GPLD1: variants seen among roughly 807,000 people sequenced by gnomAD.
GPLD1 encodes the protein glycosylphosphatidylinositol specific phospholipase D1, also known as phosphatidylinositol-glycan-specific phospholipase D.
In GPLD1, 84 loss-of-function variants were observed where a neutral mutation model predicts 112.6. The ratio of observed to expected loss-of-function variants is 0.75; its 90% CI spans 0.63 to 0.89. The LOEUF is 0.89. Among genes scored for constraint, GPLD1 ranks in the 40% least tolerant of loss-of-function variants. The probability of loss-of-function intolerance (pLI) is 0.00; values close to 1 mark genes in which losing one functional copy is unlikely to be tolerated. For synonymous variants in GPLD1, 386 were observed against 403.8 expected (o/e 0.96, Z 0.53); for missense variants, 1,044 against 1,051.5 (o/e 0.99, Z 0.10).
intron 3 of GPLD1, among the ~76,000 whole-genome samples, chr6:24,477,204 G>T (rs747930620): frequency 6.7e-5 from 10 of 149,128 alleles, no homozygotes; most frequent in Non-Finnish European, 1.3e-4. Context: ...ATTAACTGAA[G>T]CTTTCTGATC....
chr6:24,474,190 C>CAT (rs1237161472), intron 5 of GPLD1, among the ~76,000 whole-genome samples: 19 of 148,046 alleles, frequency 1.3e-4, no homozygotes, highest in African/African-American at 4.3e-4. Context: ...CACACACACA[C>CAT]ACACACACAC....
At chr6:24,464,363 C>T (rs1467660104) in intron 10 of GPLD1, among the ~76,000 whole-genome samples, 15 of 151,980 alleles carry the variant, frequency 9.9e-5, no homozygotes, top group Admixed American at 6.6e-5. Flanking sequence ...TCTGTACAAC[C>T]ACGGCAGTAT....
At chr6:24,488,339 G>A (rs1461943773) in intron 1 of GPLD1, among the ~76,000 whole-genome samples, 1 of 151,962 alleles carries the variant, frequency 6.6e-6, no homozygotes, top group Non-Finnish European at 1.5e-5. Context: ...GTGAACCCAG[G>A]AGGCGGAGCT....
chr6:24,438,741 C>T (rs1762653896), intron 20 of GPLD1, among the ~76,000 whole-genome samples: 1 of 152,032 alleles, frequency 6.6e-6, no homozygotes, highest in Non-Finnish European at 1.5e-5. Context: ...AGAGTGAAAG[C>T]CCAAAATATC....
At chr6:24,481,924 A>G (rs549529970) in intron 2 of GPLD1, among the ~76,000 whole-genome samples, 6 of 152,234 alleles carry the variant, frequency 3.9e-5, no homozygotes, top group East Asian at 1.9e-4. Context: ...TAAGCTCCTT[A>G]TATGTATTAA....
chr6:24,489,313 G>A (rs1413173760), intron 1 of GPLD1, 102 bp downstream of exon 1: 2 of 865,330 alleles, frequency 2.3e-6, no homozygotes, highest in Non-Finnish European at 3.7e-6. Context: ...CAGTGCCCAG[G>A]GGAAACTGTA....
At chr6:24,489,291 G>T in intron 1 of GPLD1, 124 bp downstream of exon 1, 3 of 692,422 alleles carry the variant, frequency 4.3e-6, no homozygotes. Flanking sequence ...CCTGCTGTCA[G>T]GCCACTCAGC....
intron 1 of GPLD1, chr6:24,494,831 C>T: frequency 1.3e-6 from 1 of 774,106 alleles, no homozygotes; most frequent in Non-Finnish European, 1.7e-6. Flanking sequence ...GCGAGAAAGA[C>T]GCGGAGAGAG....
At position 24,433,226 on chromosome 6, in the gene GPLD1, C is replaced by G. The variant is rs1762461141; in HGVS notation, c.2397G>C (p.Arg799Ser). ...YVLISPEASS[R>S]FGSSLITVRS... is the part of the protein sequence containing the mutation. The stretch of plus-strand genomic sequence containing the variant: ...TCACGGTGATGAGGGAGCTCCCAAA[C>G]CTTGAGCTGGCCTGTAAAACATGCC... Residue 799 changes from arginine (R) to serine (S), a missense_variant, in exon 24 of 25, where the codon AGG becomes AGC. Transcript: ENST00000230036. 1 of 1,613,316 alleles carries G rather than the reference C, an allele frequency of 6.2e-7. No individual in the cohort carries two copies. Among genetic ancestry groups the G allele is most frequent in the Non-Finnish European group, 8.5e-7 (1 of 1,179,242 alleles).
chr6:24,457,872 CA>C (rs778333200), intron 12 of GPLD1, among the ~76,000 whole-genome samples: 77 of 123,060 alleles, frequency 6.3e-4, no homozygotes, highest in Non-Finnish European at 7.1e-4. Flanking sequence ...GACTCCATCT[CA>C]AAAAAAAAAA....
chr6:24,489,759 A>G, upstream of GPLD1: 1 of 515,154 alleles, frequency 1.9e-6, no homozygotes, highest in Admixed American at 3.5e-5. Flanking sequence ...GATAAACTGA[A>G]ATCTGAAAAG....
At chr6:24,451,897 G>A (rs897973578) in intron 14 of GPLD1, among the ~76,000 whole-genome samples, 2 of 152,182 alleles carry the variant, frequency 1.3e-5, no homozygotes, top group African/African-American at 4.8e-5. Context: ...GCTGAGGACT[G>A]GTTCATTTTA....
At position 24,487,213 on chromosome 6, in the gene GPLD1, T is replaced by C. The variant is rs549897613; in HGVS notation, c.98-1083A>G. ...CAGGATTCCAGTGATTTACGCTGAA[T>C]GAAGCCATTTCTAATTAACTCACTC... On this transcript the variant is annotated intron_variant, in intron 1 of 24. Transcript: ENST00000230036. Among the ~76,000 whole-genome samples the C allele has an allele frequency of 9.8e-5, 15 of 152,332 alleles. No individual in the cohort carries two copies. In the South Asian group the frequency reaches 3.1e-3, roughly 32 times the overall value.
chr6:24,467,912 GT>G (rs1554132700), intron 7 of GPLD1, among the ~76,000 whole-genome samples: 4 of 147,696 alleles, frequency 2.7e-5, no homozygotes, highest in Non-Finnish European at 4.5e-5. Context: ...TCTGTTTTTT[GT>G]TTTTTTTTTG....
intron 1 of GPLD1, among the ~76,000 whole-genome samples, chr6:24,489,196 T>C (rs990207626): frequency 1.3e-5 from 2 of 152,154 alleles, no homozygotes; most frequent in African/African-American, 4.8e-5. Context: ...CAATGGGGCA[T>C]CAGCTCTCTT....
At chr6:24,492,487 C>T (rs1362800339), upstream of GPLD1, among the ~76,000 whole-genome samples, 2 of 112,526 alleles carry the variant, frequency 1.8e-5, no homozygotes, top group Admixed American at 2.3e-4. Context: ...GCCTGGGCGA[C>T]AGAGTAAGAC....
intron 15 of GPLD1, among the ~76,000 whole-genome samples, chr6:24,448,587 T>C (rs1406647072): frequency 6.6e-6 from 1 of 152,126 alleles, no homozygotes; most frequent in Admixed American, 6.6e-5. Context: ...GCAGAAATGA[T>C]GTCATTTATA....
chr6:24,429,879 T>C (rs1762349524), intron 24 of GPLD1, among the ~76,000 whole-genome samples: 1 of 152,228 alleles, frequency 6.6e-6, no homozygotes, highest in Non-Finnish European at 1.5e-5. Flanking sequence ...CAAATCTTCA[T>C]ACTCCGAGGT....
Position 24,436,574 on chromosome 6 carries a change from A to AC in GPLD1, c.2358+1dup, listed in dbSNP as rs763525259. The AC allele has an allele frequency of 2.5e-6, 4 of 1,612,672 alleles. No homozygotes were observed. On this transcript the variant is annotated splice_donor_variant, in intron 22 of 24. Coordinates refer to ENST00000230036, the MANE Select transcript of GPLD1 (RefSeq NM_001503.4). LOFTEE classifies it high-confidence loss of function. ...AGTTATAGAATTTTGTAGAACACTT[A>AC]CCTTTTCTTCTGGACATGGAGTTAT...
Sources: allele counts gnomAD v4.1 joint callset (sites outside exome capture counted in the v4.1 genomes callset), GRCh38; gene constraint gnomAD v4.1.1; transcripts MANE v1.5; gene names NCBI Gene and HGNC (gene_info 2026-07-23, HGNC 2026-07-21).